Variants in CSGALNACT1 observed in about 807,000 individuals in gnomAD.
CSGALNACT1 encodes the protein beta4GalNAcT-1.
In CSGALNACT1, 52 loss-of-function variants were observed where a neutral mutation model predicts 51.0. The observed-to-expected ratio is 1.02, with a 90% confidence interval of 0.82 to 1.29. The LOEUF is 1.29. CSGALNACT1 is among the 50% of genes most tolerant of loss of function. The pLI, the probability that CSGALNACT1 is intolerant of heterozygous loss-of-function variation, is 0.00. For missense variants in CSGALNACT1, 935 were observed against 679.2 expected (o/e 1.38, Z -4.19); for synonymous variants, 341 against 254.4 (o/e 1.34, Z -3.24).
At chr8:19,540,996 G>C (rs931563815) in intron 3 of CSGALNACT1, among the ~76,000 whole-genome samples, 1 of 152,108 alleles carries the variant, frequency 6.6e-6, no homozygotes, top group Non-Finnish European at 1.5e-5. Context: ...TTTAAAGAAA[G>C]AATGACATCT....
rs1320173031 is a variant in CSGALNACT1, at chr8:19,466,379, T to C, written c.635-7737A>G. Among the ~76,000 whole-genome samples the C allele has an allele frequency of 3.9e-5, 6 of 152,232 alleles. No individual in the cohort carries two copies. In the East Asian group the frequency reaches 1.2e-3, roughly 29 times the overall value. ...ATAAAGAAAAAACACTTCAGCCATGTAAATTGCCTATGAAGACATCCCCGC... is the reference window on the plus strand; with the variant it reads ...ATAAAGAAAAAACACTTCAGCCATGCAAATTGCCTATGAAGACATCCCCGC... On this transcript the variant is annotated intron_variant, in intron 4 of 9. Transcript: ENST00000454498.
At chr8:19,557,361 T>C (rs2039697443) in intron 3 of CSGALNACT1, among the ~76,000 whole-genome samples, 1 of 152,316 alleles carries the variant, frequency 6.6e-6, no homozygotes, top group African/African-American at 2.4e-5. Flanking sequence ...AGAGGGATCC[T>C]TGCAAAACTA....
In CSGALNACT1 at chr8:19,611,604, C is replaced by G. The variant is rs1289854856; in HGVS notation, c.-543-9739G>C. On this transcript the variant is annotated intron_variant, in intron 1 of 9. Transcript: ENST00000332246. ...CCATCCCAGTGGTGGAGCTGGGATA[C>G]AAACCCAGGTGGTCTGAATGCAGAG... Among the ~76,000 whole-genome samples the G allele has an allele frequency of 2.6e-5, 4 of 152,328 alleles. No individual in the cohort carries two copies. In the East Asian group the frequency reaches 7.7e-4, roughly 29 times the overall value.
At chr8:19,447,364 G>C (rs1238746241) in intron 5 of CSGALNACT1, among the ~76,000 whole-genome samples, 3 of 152,180 alleles carry the variant, frequency 2.0e-5, no homozygotes, top group Non-Finnish European at 4.4e-5. Context: ...TAGGCTGTGG[G>C]GAAGGACTGT....
intron 2 of CSGALNACT1, among the ~76,000 whole-genome samples, chr8:19,600,302 G>A (rs1275140082): frequency 3.3e-5 from 5 of 152,220 alleles, no homozygotes; most frequent in South Asian, 4.2e-4. Flanking sequence ...GGCTGGTCTC[G>A]AACTCTTGAC....
At chr8:19,414,298 T>G (rs2056452814) in intron 8 of CSGALNACT1, among the ~76,000 whole-genome samples, 1 of 151,816 alleles carries the variant, frequency 6.6e-6, no homozygotes, top group Admixed American at 6.6e-5. Flanking sequence ...AAAACCGGAG[T>G]CTAGGGGAGG....
intron 5 of CSGALNACT1, among the ~76,000 whole-genome samples, chr8:19,453,036 G>C (rs1275995538): frequency 6.6e-6 from 1 of 152,110 alleles, no homozygotes; most frequent in East Asian, 1.9e-4. Context: ...ACAGAAGGCT[G>C]GGTAGTCCCC....
intron 1 of CSGALNACT1, among the ~76,000 whole-genome samples, chr8:19,671,514 A>C (rs1489133984): frequency 6.6e-6 from 1 of 152,200 alleles, no homozygotes; most frequent in East Asian, 1.9e-4. Flanking sequence ...TTATTCACCA[A>C]GTACAGTATT....
At chr8:19,426,552 A>G (rs916877041) in intron 6 of CSGALNACT1, among the ~76,000 whole-genome samples, 1 of 152,240 alleles carries the variant, frequency 6.6e-6, no homozygotes, top group African/African-American at 2.4e-5. Flanking sequence ...TCCTGTTATG[A>G]AACTGAACGT....
At chr8:19,529,963 G>A (rs375891052) in intron 3 of CSGALNACT1, among the ~76,000 whole-genome samples, 17 of 152,234 alleles carry the variant, frequency 1.1e-4, no homozygotes, top group African/African-American at 4.1e-4. Flanking sequence ...GCTCACGCCT[G>A]TAATCCTAGC....
rs566537198 is a variant in CSGALNACT1, at chr8:19,424,904, T to C, written c.954-4386A>G. On this transcript the variant is annotated intron_variant, in intron 6 of 9. Coordinates refer to ENST00000454498, the Ensembl canonical transcript of CSGALNACT1. Reference sequence around the variant, plus strand: ...GACTGTAGTGGTTGCCAGGCAGGCATGCTGCTTTATTCTCTGTCCTGCTTC... The same window carrying C: ...GACTGTAGTGGTTGCCAGGCAGGCACGCTGCTTTATTCTCTGTCCTGCTTC... Among the ~76,000 whole-genome samples, 8 of 152,342 alleles carry C rather than the reference T, an allele frequency of 5.3e-5. No individual in the cohort carries two copies. In the South Asian group the frequency reaches 1.7e-3, roughly 32 times the overall value.
intron 1 of CSGALNACT1, among the ~76,000 whole-genome samples, chr8:19,696,601 C>T (rs1003319517): frequency 2.0e-5 from 3 of 152,148 alleles, no homozygotes; most frequent in Admixed American, 6.5e-5. Context: ...CAGTTTCAGA[C>T]CGCAGCTTGC....
intron 3 of CSGALNACT1, among the ~76,000 whole-genome samples, chr8:19,513,464 T>TATATA: frequency 1.3e-5 from 1 of 75,334 alleles, no homozygotes; most frequent in African/African-American, 3.8e-5. Context: ...ATATATATAT[T>TATATA]TTGTGCCATC....
chr8:19,647,774 C>G (rs2057410894), intron 1 of CSGALNACT1, among the ~76,000 whole-genome samples: 1 of 152,142 alleles, frequency 6.6e-6, no homozygotes, highest in Non-Finnish European at 1.5e-5. Context: ...AGCTTTGGGA[C>G]TGGTTTACTT....
At chr8:19,463,138 A>G (rs1474406668) in intron 4 of CSGALNACT1, among the ~76,000 whole-genome samples, 1 of 134,658 alleles carries the variant, frequency 7.4e-6, no homozygotes, top group Non-Finnish European at 1.6e-5. Context: ...CTGTTACTCC[A>G]AAGAACATGA....
chr8:19,451,886 T>C lies in CSGALNACT1; in HGVS notation c.851+6540A>G, dbSNP rs2057953656. 2.0e-5 allele frequency among the ~76,000 whole-genome samples: 3 copies of C among 152,226 alleles called. No individual in the cohort carries two copies. In the South Asian group the frequency reaches 6.2e-4, roughly 32 times the overall value. On this transcript the variant is annotated intron_variant, in intron 5 of 9. Transcript: ENST00000454498. The stretch of plus-strand genomic sequence containing the variant: ...AAGATTTTCCTTTTACAGAAGATAC[T>C]AAAGCTGAGATATATGAAGCAACAC...
intron 1 of CSGALNACT1, among the ~76,000 whole-genome samples, chr8:19,639,553 T>C (rs552656155): frequency 6.6e-6 from 1 of 152,296 alleles, no homozygotes; most frequent in South Asian, 2.1e-4. Context: ...GGGCACATAG[T>C]TCCATAGCAG....
At chr8:19,443,021 C>G (rs1287931569) in intron 5 of CSGALNACT1, among the ~76,000 whole-genome samples, 1 of 152,154 alleles carries the variant, frequency 6.6e-6, no homozygotes, top group Admixed American at 6.5e-5. Flanking sequence ...TCTAACGATC[C>G]CAGGCACCGA....
intron 8 of CSGALNACT1, among the ~76,000 whole-genome samples, chr8:19,413,188 G>GA (rs1368316711): frequency 6.6e-6 from 1 of 152,072 alleles, no homozygotes; most frequent in East Asian, 1.9e-4. Context: ...AATCATGCTG[G>GA]ACAAGGAGTC....
Sources: gnomAD v4.1 joint callset for allele counts (sites outside exome capture counted in the v4.1 genomes callset) on GRCh38, gnomAD v4.1.1 for gene constraint, MANE v1.5 for transcripts, NCBI Gene and HGNC (gene_info 2026-07-23, HGNC 2026-07-21) for gene names.